Variants in CCDC138 observed in about 807,000 individuals in gnomAD.
The protein encoded by CCDC138 is coiled-coil domain containing 138, also known as coiled-coil domain-containing protein 138.
In CCDC138, 66 loss-of-function variants were observed where a neutral mutation model predicts 82.3. The ratio of observed to expected loss-of-function variants is 0.80; its 90% CI spans 0.66 to 0.98. The LOEUF is 0.98. Ranked by LOEUF, CCDC138 falls within the 50% of genes least tolerant of loss-of-function variation. The probability of loss-of-function intolerance (pLI) is 0.00; values close to 1 mark genes in which losing one functional copy is unlikely to be tolerated. For missense variants in CCDC138, 816 were observed against 758.9 expected, an observed-to-expected ratio of 1.08 and a Z score of -0.88; for synonymous variants, 297 against 265.4, an observed-to-expected ratio of 1.12 and a Z score of -1.16.
intron 6 of CCDC138, among the ~76,000 whole-genome samples, chr2:108,800,256 C>T (rs1681673002): frequency 3.3e-5 from 5 of 151,992 alleles, no homozygotes; most frequent in Admixed American, 3.3e-4. Context: ...ATTTAGGCCT[C>T]ACTTTTTTTG....
At position 108,809,451 on chromosome 2, in the gene CCDC138, TGTGTG is replaced by T. The variant is rs1558651106; in HGVS notation, c.856-3179_856-3175del. 8.6e-3 allele frequency among the ~76,000 whole-genome samples: 223 copies of T among 25,958 alleles called. 1 individual carries two copies. The highest frequency in any genetic ancestry group is 0.016 in the Middle Eastern group (1 of 62). 17.0% of individuals were successfully genotyped at this position (25,958 alleles called of 152,430 possible). ...TCCAGTCCATGAACATGAAATGTTG[TGTGTG>T]TGTGTGTGTGTGTGTGTGTGTGTGT... On this transcript the variant is annotated intron_variant, in intron 7 of 14. Coordinates refer to ENST00000295124, the MANE Select transcript of CCDC138 (RefSeq NM_144978.3).
intron 11 of CCDC138, among the ~76,000 whole-genome samples, chr2:108,844,760 T>G (rs1201951384): frequency 6.6e-6 from 1 of 151,688 alleles, no homozygotes; most frequent in African/African-American, 2.4e-5. Context: ...TTTTTTTTTT[T>G]TTTTTGAGAC....
intron 6 of CCDC138, among the ~76,000 whole-genome samples, chr2:108,802,798 C>T (rs1330989924): frequency 9.2e-5 from 14 of 151,838 alleles, no homozygotes; most frequent in Non-Finnish European, 1.8e-4. Context: ...TTTTGAAATA[C>T]GTCCCATCAA....
downstream of CCDC138, among the ~76,000 whole-genome samples, chr2:108,879,408 C>T (rs1202180192): frequency 1.3e-5 from 2 of 152,304 alleles, no homozygotes; most frequent in South Asian, 4.1e-4. Flanking sequence ...GTAGAAAAAT[C>T]ATCCAAATTC....
chr2:108,836,989 G>T (rs906263454), intron 10 of CCDC138, among the ~76,000 whole-genome samples: 6 of 151,604 alleles, frequency 4.0e-5, no homozygotes, highest in Admixed American at 6.6e-5. Flanking sequence ...GACATATAAG[G>T]TCATGCCATC....
At chr2:108,787,874 A>G (rs575393725) in intron 1 of CCDC138, 158 bp from the exon 2 acceptor site, 2 of 249,300 alleles carry the variant, frequency 8.0e-6, no homozygotes, top group Admixed American at 6.5e-5. Flanking sequence ...GGTTTGTCAC[A>G]TTATTGATGA....
At chr2:108,838,411 C>G (rs886827920) in intron 10 of CCDC138, among the ~76,000 whole-genome samples, 6 of 152,164 alleles carry the variant, frequency 3.9e-5, no homozygotes, top group Non-Finnish European at 7.3e-5. Flanking sequence ...TAACCATTTT[C>G]CTGATTGCTA....
chr2:108,853,535 T>G (rs368589459), intron 12 of CCDC138, among the ~76,000 whole-genome samples: 20 of 151,508 alleles, frequency 1.3e-4, no homozygotes, highest in African/African-American at 4.8e-4. Flanking sequence ...TTTCTTTTTT[T>G]TTTTTTTGAG....
At position 108,843,777 on chromosome 2, in the gene CCDC138, C is replaced by A. The variant is rs146441221; in HGVS notation, c.1324-2961C>A. Among the ~76,000 whole-genome samples, 192 of 148,516 alleles carry A rather than the reference C, an allele frequency of 1.3e-3. 4 individuals are homozygous for A. In the East Asian group the frequency reaches 0.035, roughly 27 times the overall value. On this transcript the variant is annotated intron_variant, in intron 11 of 14. Transcript: ENST00000295124. ...CTGTTTGGTGTTTGTTTAGTTTCTT[C>A]AGTCTCTGGGCACGTTTTTTGCCAA...
chr2:108,853,872 C>CTATATAATA (rs1260237373), intron 12 of CCDC138, among the ~76,000 whole-genome samples: 2 of 113,700 alleles, frequency 1.8e-5, no homozygotes, highest in African/African-American at 6.9e-5. Context: ...AATATATATA[C>CTATATAATA]TATATAATAT....
At chr2:108,814,244 GT>G (rs1215667751) in intron 9 of CCDC138, among the ~76,000 whole-genome samples, 1 of 152,166 alleles carries the variant, frequency 6.6e-6, no homozygotes, top group Non-Finnish European at 1.5e-5. Flanking sequence ...GTGTATCAAA[GT>G]TTTGGTTGCT....
intron 13 of CCDC138, among the ~76,000 whole-genome samples, chr2:108,872,238 C>T (rs930513912): frequency 6.6e-6 from 1 of 152,174 alleles, no homozygotes; most frequent in Non-Finnish European, 1.5e-5. Flanking sequence ...TCCTCCTCCC[C>T]CCACCATAGC....
intron 13 of CCDC138, among the ~76,000 whole-genome samples, chr2:108,872,880 C>T (rs1300125488): frequency 6.6e-6 from 1 of 152,174 alleles, no homozygotes; most frequent in African/African-American, 2.4e-5. Context: ...TAAATAGCCC[C>T]ACAAGTCTTA....
intron 13 of CCDC138, among the ~76,000 whole-genome samples, chr2:108,871,370 T>TAAA (rs59725353): frequency 3.9e-5 from 3 of 76,644 alleles, no homozygotes; most frequent in South Asian, 4.5e-4. Flanking sequence ...CCAACTCTAT[T>TAAA]AAAAAAAAAA....
At chr2:108,848,016 C>T (rs1476266067) in intron 12 of CCDC138, among the ~76,000 whole-genome samples, 9 of 152,118 alleles carry the variant, frequency 5.9e-5, no homozygotes, top group African/African-American at 1.4e-4. Context: ...CGCTTACATA[C>T]CCACAGGTAA....
intron 10 of CCDC138, among the ~76,000 whole-genome samples, chr2:108,821,235 G>C (rs953483130): frequency 6.6e-6 from 1 of 152,026 alleles, no homozygotes; most frequent in African/African-American, 2.4e-5. Context: ...ATACGTGCCT[G>C]TAATCCCAGC....
intron 10 of CCDC138, among the ~76,000 whole-genome samples, chr2:108,818,851 A>G (rs926019591): frequency 7.9e-5 from 12 of 151,676 alleles, no homozygotes; most frequent in Non-Finnish European, 1.5e-5. Flanking sequence ...GATCACAGTT[A>G]TAATTTACTT....
At position 108,816,029 on chromosome 2, in the gene CCDC138, A is replaced by C. The variant is rs138774446; in HGVS notation, c.1130A>C (p.Glu377Ala). ...CATCTTAGCAAAGTGAAACATGAAG[A>C]ATCTGGAATGGATGGTAAAAAACCA... Reference protein sequence around the residue: ...DHHLSKVKHEESGMDGKKPQL... With the variant: ...DHHLSKVKHEASGMDGKKPQL... The change falls in exon 10 of 15, where the codon GAA becomes GCA. Residue 377 changes from glutamate to alanine, a missense_variant. Glu to Ala is a moderately radical substitution (Grantham distance 107). Coordinates refer to ENST00000295124, the MANE Select transcript of CCDC138 (RefSeq NM_144978.3). The C allele has an allele frequency of 3.5e-4, 567 of 1,613,916 alleles. 2 individuals are homozygous for C. Among genetic ancestry groups the C allele is most frequent in the South Asian group, 8.0e-4 (73 of 91,038 alleles).
At chr2:108,867,672 T>C (rs2105048637) in intron 13 of CCDC138, among the ~76,000 whole-genome samples, 1 of 152,358 alleles carries the variant, frequency 6.6e-6, no homozygotes, top group Non-Finnish European at 1.5e-5. Flanking sequence ...ATTTGGGTGT[T>C]TTTCAAAGAC....
Sources: gnomAD v4.1 joint callset for allele counts (sites outside exome capture counted in the v4.1 genomes callset) on GRCh38, gnomAD v4.1.1 for gene constraint, MANE v1.5 for transcripts, NCBI Gene and HGNC (gene_info 2026-07-23, HGNC 2026-07-21) for gene names.